The following GRIK4 variants were observed in gnomAD, a reference collection of about 807,000 sequenced individuals.
GRIK4 encodes glutamate ionotropic receptor kainate type subunit 4.
A neutral mutation model predicts 104.9 loss-of-function variants in GRIK4; 40 were observed. That is an observed-to-expected ratio of 0.38 (90% CI 0.30 to 0.50). The LOEUF (loss-of-function observed/expected upper bound fraction) is 0.50. GRIK4 is among the 20% of genes least tolerant of loss of function. GRIK4 has a pLI of 0.93. For missense variants in GRIK4, 1,047 were observed against 1,308.1 expected, an observed-to-expected ratio of 0.80 and a Z score of 3.08; for synonymous variants, 485 against 524.9, an observed-to-expected ratio of 0.92 and a Z score of 1.04.
chr11:120,861,428 A>G (rs1380438499), intron 8 of GRIK4, among the ~76,000 whole-genome samples: 3 of 152,028 alleles, frequency 2.0e-5, no homozygotes, highest in Non-Finnish European at 4.4e-5. Context: ...TTAAAAAGGA[A>G]CCTGGATGAT....
chr11:120,748,033 G>C (rs1169780537), intron 3 of GRIK4, among the ~76,000 whole-genome samples: 1 of 152,170 alleles, frequency 6.6e-6, no homozygotes, highest in Non-Finnish European at 1.5e-5. Flanking sequence ...GATTAATGTA[G>C]CTAATTCAAT....
intron 3 of GRIK4, among the ~76,000 whole-genome samples, chr11:120,712,312 C>T (rs895140231): frequency 6.6e-6 from 1 of 152,060 alleles, no homozygotes; most frequent in South Asian, 2.1e-4. Flanking sequence ...AAAATGAGAC[C>T]GGACAGGTAG....
chr11:120,706,267 C>T (rs1950627223), intron 3 of GRIK4, among the ~76,000 whole-genome samples: 1 of 152,228 alleles, frequency 6.6e-6, no homozygotes, highest in African/African-American at 2.4e-5. Context: ...TTATCACCAA[C>T]TCCACCCATA....
At chr11:120,980,701 C>T (rs1031350591) in intron 19 of GRIK4, among the ~76,000 whole-genome samples, 1 of 152,072 alleles carries the variant, frequency 6.6e-6, no homozygotes, top group Non-Finnish European at 1.5e-5. Context: ...ATACAGGATT[C>T]CCACATTCAC....
At chr11:120,654,523 C>T (rs989752773) in intron 2 of GRIK4, among the ~76,000 whole-genome samples, 8 of 152,170 alleles carry the variant, frequency 5.3e-5, no homozygotes, top group Middle Eastern at 3.4e-3. Context: ...CCATCACACC[C>T]GGCTAACTTT....
At chr11:120,906,185 C>T (rs536366409) in intron 13 of GRIK4, among the ~76,000 whole-genome samples, 3 of 152,278 alleles carry the variant, frequency 2.0e-5, no homozygotes, top group Admixed American at 6.5e-5. Context: ...TTTCTTTGTA[C>T]ACACTATTAA....
At chr11:120,893,959 G>A (rs1942492819) in intron 11 of GRIK4, among the ~76,000 whole-genome samples, 2 of 152,152 alleles carry the variant, frequency 1.3e-5, no homozygotes, top group South Asian at 4.1e-4. Context: ...TTCTGGGGTA[G>A]GGCCCAAGAA....
intron 20 of GRIK4, among the ~76,000 whole-genome samples, chr11:120,985,059 C>A (rs1944717824): frequency 6.6e-6 from 1 of 151,980 alleles, no homozygotes; most frequent in Non-Finnish European, 1.5e-5. Context: ...GAACTCCTGA[C>A]CTCAAGTGAT....
At chr11:120,769,514 A>G (rs1433395942) in intron 3 of GRIK4, among the ~76,000 whole-genome samples, 2 of 152,324 alleles carry the variant, frequency 1.3e-5, no homozygotes, top group East Asian at 1.9e-4. Flanking sequence ...TGTATGTGTC[A>G]TGAAATATTC....
In GRIK4 at chr11:120,761,343, T is replaced by TC. The variant is rs1469429466; in HGVS notation, c.83-41350_83-41349insC. Among the ~76,000 whole-genome samples, 6 of 152,356 alleles carry TC rather than the reference T, an allele frequency of 3.9e-5. No individual in the cohort carries two copies. In the East Asian group the frequency reaches 1.2e-3, roughly 29 times the overall value. On this transcript the variant is annotated intron_variant, in intron 3 of 20. Coordinates refer to ENST00000527524, the MANE Select transcript of GRIK4 (RefSeq NM_014619.5). The stretch of plus-strand genomic sequence containing the variant: ...GTTTAAGTTCCTTGTAGATTCTGGA[T>TC]ATTAGCCTTTTGTCAGATGGATAGA...
intron 1 of GRIK4, among the ~76,000 whole-genome samples, chr11:120,598,555 A>G (rs976495465): frequency 1.3e-5 from 2 of 152,240 alleles, no homozygotes; most frequent in African/African-American, 4.8e-5. Context: ...TAGTGGCTCA[A>G]GACAATGAAC....
intron 8 of GRIK4, among the ~76,000 whole-genome samples, chr11:120,851,158 C>G (rs184461163): frequency 6.6e-6 from 1 of 152,142 alleles, no homozygotes; most frequent in Non-Finnish European, 1.5e-5. Flanking sequence ...TGCTTAAAAC[C>G]CTTCAGTGGC....
chr11:120,542,114 A>G (rs2510876), intron 1 of GRIK4, among the ~76,000 whole-genome samples: 44,918 of 152,084 alleles, frequency 0.3, 6,862 homozygotes, highest in Admixed American at 0.42. Context: ...ACACACATAG[A>G]CCAATGGAAC....
chr11:120,729,944 G>T (rs570127520), intron 3 of GRIK4, among the ~76,000 whole-genome samples: 1 of 152,240 alleles, frequency 6.6e-6, no homozygotes, highest in South Asian at 2.1e-4. Context: ...TTTTATATAT[G>T]GTAAGAGATA....
intron 11 of GRIK4, among the ~76,000 whole-genome samples, chr11:120,898,206 AAAT>A (rs1056104892): frequency 6.6e-6 from 1 of 152,206 alleles, no homozygotes; most frequent in African/African-American, 2.4e-5. Flanking sequence ...CCCTGCCTCA[AAAT>A]AATGTGATTC....
At chr11:120,755,621 A>T (rs1489861016) in intron 3 of GRIK4, among the ~76,000 whole-genome samples, 1 of 151,172 alleles carries the variant, frequency 6.6e-6, no homozygotes, top group African/African-American at 2.4e-5. Flanking sequence ...TCAAAAAAAT[A>T]AAAAAACACC....
intron 17 of GRIK4, 113 bp downstream of exon 17, chr11:120,961,187 T>C: frequency 9.8e-7 from 1 of 1,020,958 alleles, no homozygotes; most frequent in Non-Finnish European, 1.5e-6. Context: ...CTTTTGAACA[T>C]ATAGTTTGGA....
chr11:120,843,732 A>G (rs1319733534), intron 8 of GRIK4, among the ~76,000 whole-genome samples: 1 of 152,042 alleles, frequency 6.6e-6, no homozygotes, highest in Non-Finnish European at 1.5e-5. Context: ...GTGAGGTTGT[A>G]TTAGGTGATC....
chr11:120,683,678 C>A (rs975733079), intron 3 of GRIK4, among the ~76,000 whole-genome samples: 3 of 152,184 alleles, frequency 2.0e-5, no homozygotes, highest in Non-Finnish European at 4.4e-5. Flanking sequence ...GCAAAATAGA[C>A]ATTGTCTAGT....
Sources: gnomAD v4.1 joint callset for allele counts (sites outside exome capture counted in the v4.1 genomes callset) on GRCh38, gnomAD v4.1.1 for gene constraint, MANE v1.5 for transcripts, NCBI Gene and HGNC (gene_info 2026-07-23, HGNC 2026-07-21) for gene names.